PKN2: variants seen among roughly 807,000 people sequenced by gnomAD.
The protein encoded by PKN2 is serine/threonine-protein kinase N2.
In PKN2, 38 loss-of-function variants were observed where a neutral mutation model predicts 119.1. That is an observed-to-expected ratio of 0.32 (90% CI 0.25 to 0.42). The LOEUF (loss-of-function observed/expected upper bound fraction) is 0.42. Among genes scored for constraint, PKN2 ranks in the 10% least tolerant of loss-of-function variants. PKN2 has a pLI of 1.00. For synonymous variants in PKN2, 390 were observed against 384.9 expected (o/e 1.01, Z -0.15); for missense variants, 850 against 1,165.1 (o/e 0.73, Z 3.94).
In PKN2 at chr1:88,784,658, T is replaced by C. The variant is rs1319908016; in HGVS notation, c.1005T>C (p.Leu335=). 2 of 1,581,718 alleles carry C rather than the reference T, an allele frequency of 1.3e-6. No individual in the cohort carries two copies. Among genetic ancestry groups the C allele is most frequent in the East Asian group, 2.3e-5 (1 of 43,102 alleles). The part of the protein sequence containing the change: ...AALTGTLEVR[L]MGCQDILENV... Reference sequence around the variant, plus strand: ...CAACAGGTACTTTGGAAGTTCGTCTTATGGGCTGCCAAGATATCCTAGAGA... The same window carrying C: ...CAACAGGTACTTTGGAAGTTCGTCTCATGGGCTGCCAAGATATCCTAGAGA... Residue 335 remains leucine, a synonymous_variant, in exon 7 of 22, where the codon CTT becomes CTC. Transcript: ENST00000370521.
chr1:88,686,279 G>T (rs1666094937), intron 1 of PKN2, among the ~76,000 whole-genome samples: 1 of 152,054 alleles, frequency 6.6e-6, no homozygotes, highest in South Asian at 2.1e-4. Context: ...GAATTGAGCA[G>T]TGTTAGAGTT....
At chr1:88,700,354 T>G (rs1461777736) in intron 1 of PKN2, among the ~76,000 whole-genome samples, 1 of 152,226 alleles carries the variant, frequency 6.6e-6, no homozygotes, top group East Asian at 1.9e-4. Flanking sequence ...GAACCCGTTT[T>G]AAAAAGTCAG....
Position 88,832,797 on chromosome 1 carries a change from T to A in PKN2, c.2616T>A (p.Asp872Glu), listed in dbSNP as rs529717698. ...AAGTTTTTGACAGTATTGTAAATGA[T>A]GAAGTAAGGTATCCAAGGTTCTTAT... Reference protein sequence around the residue: ...EEEVFDSIVNDEVRYPRFLST... With the variant: ...EEEVFDSIVNEEVRYPRFLST... The change falls in exon 20 of 22, where the codon GAT becomes GAA. Residue 872 changes from aspartate to glutamate, a missense_variant. By Grantham distance (45) the Asp-to-Glu change is conservative (BLOSUM62 2). This residue lies in a region of PKN2 where 95 missense variants were observed against 150.2 expected (regional missense o/e 0.63). Coordinates refer to ENST00000370521, the MANE Select transcript of PKN2 (RefSeq NM_006256.4). The A allele has an allele frequency of 1.8e-5, 29 of 1,604,218 alleles. No homozygotes were observed. In the South Asian group the frequency reaches 2.8e-4, roughly 15 times the overall value.
chr1:88,757,935 G>A (rs557209466), intron 2 of PKN2, among the ~76,000 whole-genome samples: 15 of 150,904 alleles, frequency 9.9e-5, no homozygotes, highest in African/African-American at 3.2e-4. Flanking sequence ...CTAGCTACTC[G>A]GGAGGCTGAG....
intron 1 of PKN2, among the ~76,000 whole-genome samples, chr1:88,712,702 C>G (rs1316782993): frequency 6.6e-6 from 1 of 152,152 alleles, no homozygotes; most frequent in Admixed American, 6.5e-5. Context: ...ATTTAAGACA[C>G]TAACTTGTGA....
intron 18 of PKN2, 119 bp downstream of exon 18, chr1:88,824,505 GA>G: frequency 1.6e-6 from 1 of 622,588 alleles, no homozygotes; most frequent in South Asian, 2.0e-5. Flanking sequence ...TCTTCATTAA[GA>G]CATTGTAGAT....
intron 6 of PKN2, among the ~76,000 whole-genome samples, chr1:88,773,841 G>A (rs145949985): frequency 2.1e-4 from 32 of 152,214 alleles, no homozygotes; most frequent in African/African-American, 7.0e-4. Context: ...AATAATCCTG[G>A]TGGTAACTAC....
chr1:88,763,607 CAAAAAA>C (rs34763457), intron 3 of PKN2, among the ~76,000 whole-genome samples: 9 of 103,396 alleles, frequency 8.7e-5, no homozygotes, highest in Non-Finnish European at 9.8e-5. Flanking sequence ...AACTCCATCT[CAAAAAA>C]AAAAAAAAAA....
chr1:88,747,822 T>C (rs943392967), intron 2 of PKN2, among the ~76,000 whole-genome samples: 1 of 152,090 alleles, frequency 6.6e-6, no homozygotes, highest in African/African-American at 2.4e-5. Context: ...CCTAATAATA[T>C]TGGGATTTTG....
chr1:88,701,912 A>C (rs1666784392), intron 1 of PKN2, among the ~76,000 whole-genome samples: 1 of 152,180 alleles, frequency 6.6e-6, no homozygotes, highest in African/African-American at 2.4e-5. Context: ...TGACTTGTGC[A>C]ACAGTCATTG....
intron 3 of PKN2, among the ~76,000 whole-genome samples, chr1:88,768,043 A>C (rs760793023): frequency 0.062 from 9,476 of 152,264 alleles, no homozygotes; most frequent in African/African-American, 0.16. Context: ...TGCTTAAATA[A>C]TATGCAAAGC....
intron 2 of PKN2, among the ~76,000 whole-genome samples, chr1:88,756,741 T>C (rs72724732): frequency 0.067 from 10,200 of 152,264 alleles, 701 homozygotes; most frequent in African/African-American, 0.18. Flanking sequence ...GTCATTGTTA[T>C]AATGCGTAGT....
At position 88,833,387 on chromosome 1, in the gene PKN2, T is replaced by C. The variant is rs756302912; in HGVS notation, c.2894T>C (p.Ile965Thr). The change falls in exon 22 of 22, where the codon ATA (isoleucine) becomes ACA (threonine). Residue 965 changes from isoleucine (I) to threonine (T), a missense_variant. This residue lies in a region of PKN2 where 52 missense variants were observed against 39.9 expected (regional missense o/e 1.30). Coordinates refer to ENST00000370521, the MANE Select transcript of PKN2 (RefSeq NM_006256.4). The part of the protein sequence containing the change: ...PILTPPREPR[I>T]LSEEEQEMFR... The stretch of plus-strand genomic sequence containing the variant: ...CTGACTCCACCTCGAGAACCAAGGA[T>C]ACTTTCGGAAGAGGAGCAGGAAATG... 16 of 1,613,332 alleles carry C rather than the reference T, an allele frequency of 9.9e-6. No individual in the cohort carries two copies. Among genetic ancestry groups the C allele is most frequent in the Admixed American group, 5.0e-5 (3 of 59,936 alleles).
intron 2 of PKN2, among the ~76,000 whole-genome samples, chr1:88,755,642 T>A (rs922846251): frequency 2.0e-5 from 3 of 152,186 alleles, no homozygotes; most frequent in African/African-American, 7.2e-5. Flanking sequence ...ACCTGAGCAC[T>A]ATATAGGCTT....
intron 1 of PKN2, among the ~76,000 whole-genome samples, chr1:88,712,639 C>A (rs1455026189): frequency 6.6e-6 from 1 of 152,102 alleles, no homozygotes; most frequent in African/African-American, 2.4e-5. Flanking sequence ...AAAACATTAA[C>A]AATATACCAT....
intron 19 of PKN2, among the ~76,000 whole-genome samples, chr1:88,831,600 A>G (rs760522699): frequency 1.1e-4 from 16 of 152,028 alleles, no homozygotes; most frequent in Non-Finnish European, 2.1e-4. Context: ...GAGCAAGATT[A>G]GAAGCTCAGC....
intron 8 of PKN2, among the ~76,000 whole-genome samples, chr1:88,788,615 T>G (rs1211543301): frequency 6.6e-6 from 1 of 152,040 alleles, no homozygotes; most frequent in Non-Finnish European, 1.5e-5. Context: ...CTGTCTAATT[T>G]TGTATTTTTA....
chr1:88,760,591 C>G (rs1021203540), intron 3 of PKN2, among the ~76,000 whole-genome samples: 1 of 152,010 alleles, frequency 6.6e-6, no homozygotes, highest in African/African-American at 2.4e-5. Flanking sequence ...GGTGATTTTG[C>G]CTTCTTAAGC....
intron 18 of PKN2, among the ~76,000 whole-genome samples, chr1:88,828,009 G>A (rs1450462534): frequency 1.3e-5 from 2 of 152,076 alleles, no homozygotes; most frequent in African/African-American, 2.4e-5. Context: ...ACAAGCATGA[G>A]CCACTGCACA....
Sources: gnomAD v4.1 joint callset for allele counts (sites outside exome capture counted in the v4.1 genomes callset) on GRCh38, gnomAD v4.1.1 for gene constraint, gnomAD v4.1.1 regional missense constraint, MANE v1.5 for transcripts, NCBI Gene and HGNC (gene_info 2026-07-23, HGNC 2026-07-21) for gene names.